Variants in P3H1 observed in about 807,000 individuals in gnomAD.
P3H1 encodes growth suppressor 1.
Under a neutral mutation model 84.0 loss-of-function variants are expected in P3H1, and 69 were observed. That is an observed-to-expected ratio of 0.82 (90% CI 0.68 to 1.00). The LOEUF is 1.00. P3H1 is among the 50% of genes least tolerant of loss of function. The probability of loss-of-function intolerance (pLI) is 0.00; values close to 1 mark genes in which losing one functional copy is unlikely to be tolerated. For missense variants in P3H1, 878 were observed against 962.8 expected (o/e 0.91, Z 1.17); for synonymous variants, 366 against 388.8 (o/e 0.94, Z 0.69).
chr1:42,766,014 C>G (rs115951209), intron 1 of P3H1, among the ~76,000 whole-genome samples: 2 of 87,762 alleles, frequency 2.3e-5, no homozygotes, highest in Non-Finnish European at 4.9e-5. Flanking sequence ...GGGTCCCCCC[C>G]CCGCCCCCAC....
chr1:42,764,760 G>GC, intron 1 of P3H1, among the ~76,000 whole-genome samples: 2 of 152,224 alleles, frequency 1.3e-5, no homozygotes, highest in East Asian at 3.9e-4. Context: ...CCCTGGTTAG[G>GC]TGACCCAAGG....
Position 42,752,618 on chromosome 1 carries a change from T to C in P3H1, c.1392A>G (p.Lys464=). The change falls in exon 9 of 15, where the codon AAA becomes AAG. Residue 464 remains lysine (K), a synonymous_variant. Coordinates refer to ENST00000296388, the MANE Select transcript of P3H1 (RefSeq NM_022356.4). ...CCACCCGCTGGGAACCATTCAGGAG[T>C]TTGGAGTTCATGGTGAGACTGATGC... ...YEGISLTMNS[K]LLNGSQRVVM... 6.2e-7 allele frequency: 1 copy of C among 1,614,056 alleles called. No individual in the cohort carries two copies. The highest frequency in any genetic ancestry group is 8.5e-7 in the Non-Finnish European group (1 of 1,180,004).
rs200403014 is a variant in P3H1 at position 42,758,962 on chromosome 1, T to C, written c.830A>G (p.Asn277Ser). 20 of 1,614,208 alleles carry C rather than the reference T, an allele frequency of 1.2e-5. No individual in the cohort carries two copies. Among genetic ancestry groups the C allele is most frequent in the Admixed American group, 1.7e-5 (1 of 60,030 alleles). ...AITDHYIQVL[N>S]CKQNCVTELA... is the part of the protein sequence containing the mutation. ...CTCCGTGACACAGTTCTGCTTACAG[T>C]TGAGGACCTGGATGTAATGATCTGA... Residue 277 changes from asparagine (N) to serine (S), a missense_variant, in exon 4 of 15, where the codon AAC becomes AGC. Physicochemically the swap from Asn to Ser is conservative, Grantham distance 46. Transcript: ENST00000296388.
chr1:42,749,938 C>T (rs937763665), intron 11 of P3H1: 31 of 530,700 alleles, frequency 5.8e-5, no homozygotes, highest in Middle Eastern at 5.0e-4. Flanking sequence ...TGACAAGTGA[C>T]GGGTGGCCCC....
rs1651933025 is a variant in P3H1 at position 42,749,858 on chromosome 1, G to A, written c.1720+328C>T. 11 of 362,672 alleles carry A rather than the reference G, an allele frequency of 3.0e-5. No homozygotes were observed. The South Asian group carries it at 3.1e-4, about 10-fold the overall frequency. 22.5% of individuals were successfully genotyped at this position (362,672 alleles called of 1,614,324 possible). A position where few individuals can be genotyped will look rare whatever the true frequency, so the allele number is the denominator to read the frequency against. ...GCGAGGGAGCTGCTCAGCTATGTAT[G>A]AAACCCTAACCCGGAGGCAGGTCCT... is the stretch of plus-strand genomic sequence containing the variant. On this transcript the variant is annotated intron_variant, in intron 11 of 14. Transcript: ENST00000296388.
chr1:42,756,520 G>A (rs1203996348), intron 5 of P3H1: 1 of 154,392 alleles, frequency 6.5e-6, no homozygotes, highest in Non-Finnish European at 1.5e-5. Flanking sequence ...AATAAAACAT[G>A]AGGCAGTTCA....
In P3H1 at chr1:42,746,671, C is replaced by T. The variant is rs145658376; in HGVS notation, c.*26G>A. The stretch of plus-strand genomic sequence containing the variant: ...AAGAGTTCCTCTCCATGGGTCTAGT[C>T]ACCCATCCGTCTGACCTGGACGCTG... On this transcript the variant is annotated 3_prime_UTR_variant, in exon 15 of 15. Transcript: ENST00000296388. The T allele has an allele frequency of 1.1e-4, 165 of 1,522,270 alleles. No homozygotes were observed. The African/African-American group carries it at 2.0e-3, about 19-fold the overall frequency. 94.3% of individuals were successfully genotyped at this position (1,522,270 alleles called of 1,614,324 possible).
chr1:42,755,516 C>T lies in P3H1; in HGVS notation c.1170+32G>A, dbSNP rs3738502. Reference sequence around the variant, plus strand: ...TCATCTCTCCTGCTCACTCTTTCCCCGCTCCCTTCCGGCTCCTGTACCCTA... The same window carrying T: ...TCATCTCTCCTGCTCACTCTTTCCCTGCTCCCTTCCGGCTCCTGTACCCTA... On this transcript the variant is annotated intron_variant, in intron 6 of 14. Transcript: ENST00000296388. 116,077 of 1,554,534 alleles carry T rather than the reference C, an allele frequency of 0.075. 4,782 individuals carry two copies. Among genetic ancestry groups the T allele is most frequent in the South Asian group, 0.084 (7,576 of 89,876 alleles).
Position 42,754,869 on chromosome 1 carries a change from C to T in P3H1, c.1345G>A (p.Gly449Ser). 4.3e-6 allele frequency: 7 copies of T among 1,614,210 alleles called. No individual in the cohort carries two copies. Among genetic ancestry groups the T allele is most frequent in the Non-Finnish European group, 5.9e-6 (7 of 1,180,028 alleles). ...CATGCCCCTATTTCTGTCCTCTCAC[C>T]TTCCCGGGTCAGTCTGCTCACATCC... ...SLDVSRLTRE[G>S]GPLLYEGISL... The change falls in exon 8 of 15, where the codon GGT (glycine) becomes AGT (serine). Residue 449 changes from glycine (G) to serine (S), a missense_variant and splice_region_variant. Physicochemically the swap from Gly to Ser is moderately conservative, Grantham distance 56. Transcript: ENST00000296388. The surrounding 1 kb of genome is among the most constrained non-coding windows in gnomAD (Gnocchi z 4.0).
At position 42,762,370 on chromosome 1, in the gene P3H1, C is replaced by G. The variant is rs1310463297; in HGVS notation, c.571G>C (p.Gly191Arg). The G allele has an allele frequency of 1.2e-6, 2 of 1,614,004 alleles. No individual in the cohort carries two copies. Among genetic ancestry groups the G allele is most frequent in the African/African-American group, 2.7e-5 (2 of 74,908 alleles). The change falls in exon 2 of 15, where the codon GGA (glycine) becomes CGA (arginine). Residue 191 changes from glycine (G) to arginine (R), a missense_variant. By Grantham distance (125) the Gly-to-Arg change is moderately radical. Coordinates refer to ENST00000296388, the MANE Select transcript of P3H1 (RefSeq NM_022356.4). ...TCCTTGAAGTCGGCCTCCTTCACTC[C>G]AGACATGGTTTGGTAATAGTCTAGG... is the stretch of plus-strand genomic sequence containing the variant. Reference protein sequence around the residue: ...QNLDYYQTMSGVKEADFKDLE... With the variant: ...QNLDYYQTMSRVKEADFKDLE...
At position 42,754,998 on chromosome 1, in the gene P3H1, C is replaced by T. The variant is rs749297067; in HGVS notation, c.1224-8G>A. 1.1e-5 allele frequency: 18 copies of T among 1,614,044 alleles called. No homozygotes were observed. Among genetic ancestry groups the T allele is most frequent in the Non-Finnish European group, 1.5e-5 (18 of 1,180,042 alleles). Reference sequence around the variant, plus strand: ...GCTGTTTCCCGTTCTGACCTATGAGCACAGCCGCTCTGAGGACTGCATTCC... The same window carrying T: ...GCTGTTTCCCGTTCTGACCTATGAGTACAGCCGCTCTGAGGACTGCATTCC... On this transcript the variant is annotated splice_region_variant and splice_polypyrimidine_tract_variant and intron_variant, in intron 7 of 14. Transcript: ENST00000296388. This position sits in a 1 kb window ranked among gnomAD's most constrained non-coding sequence, Gnocchi z 4.0.
chr1:42,764,951 G>A (rs1652913883), intron 1 of P3H1, among the ~76,000 whole-genome samples: 1 of 152,018 alleles, frequency 6.6e-6, no homozygotes, highest in African/African-American at 2.4e-5. Flanking sequence ...TACTCTCTAA[G>A]CACTGAGGTA....
In P3H1 at chr1:42,755,644, G is replaced by T. The variant is rs201868125; in HGVS notation, c.1081-7C>A. ...GTCGGTACTCCTTGGCACTCTGAGG[G>T]TAAAAAAGCAAACAAATCCCCCAGA... is the stretch of plus-strand genomic sequence containing the variant. On this transcript the variant is annotated splice_region_variant and splice_polypyrimidine_tract_variant and intron_variant, in intron 5 of 14. Coordinates refer to ENST00000296388, the MANE Select transcript of P3H1 (RefSeq NM_022356.4). The T allele has an allele frequency of 5.6e-6, 9 of 1,610,638 alleles. No homozygotes were observed. The African/African-American group carries it at 1.1e-4, about 19-fold the overall frequency.
At position 42,755,651 on chromosome 1, in the gene P3H1, A is replaced by G. The variant is rs1343062442; in HGVS notation, c.1081-14T>C. 1.2e-6 allele frequency: 2 copies of G among 1,604,052 alleles called. No individual in the cohort carries two copies. Among genetic ancestry groups the G allele is most frequent in the African/African-American group, 2.7e-5 (2 of 74,716 alleles). On this transcript the variant is annotated splice_polypyrimidine_tract_variant and intron_variant, in intron 5 of 14. Coordinates refer to ENST00000296388, the MANE Select transcript of P3H1 (RefSeq NM_022356.4). ...CTCCTTGGCACTCTGAGGGTAAAAA[A>G]GCAAACAAATCCCCCAGAACTCAGC...
In P3H1 at chr1:42,754,456, G is replaced by T. The variant is rs71654257; in HGVS notation, c.1345+413C>A. 0.057 allele frequency among the ~76,000 whole-genome samples: 8,675 copies of T among 152,218 alleles called. 365 individuals are homozygous for T. The highest frequency in any genetic ancestry group is 0.087 in the South Asian group (421 of 4,820). On this transcript the variant is annotated intron_variant, in intron 8 of 14. Coordinates refer to ENST00000296388, the MANE Select transcript of P3H1 (RefSeq NM_022356.4). This position sits in a 1 kb window ranked among gnomAD's most constrained non-coding sequence, Gnocchi z 4.0. ...CAGTTTGGGAGTGGGGAGACAGGAT[G>T]AGTTAATACCTATGGAAGTGGACAA...
In P3H1 at chr1:42,757,849, G is replaced by A. The variant is rs1652489003; in HGVS notation, c.1014C>T (p.Asn338=). ...LLFFPNDEVM[N]QNLAYYAAML... The stretch of plus-strand genomic sequence containing the variant: ...TAGCTGCATAATAGGCCAAATTTTG[G>A]TTCATCACCTCGTCATTGGGGAAGA... The change falls in exon 5 of 15, where the codon AAC becomes AAT. Residue 338 remains asparagine, a synonymous_variant. Transcript: ENST00000296388. 3 of 1,614,220 alleles carry A rather than the reference G, an allele frequency of 1.9e-6. No individual in the cohort carries two copies. Among genetic ancestry groups the A allele is most frequent in the South Asian group, 1.1e-5 (1 of 91,078 alleles).
rs1557573602 is a variant in P3H1 at position 42,759,335 on chromosome 1, A to G, written c.674T>C (p.Val225Ala). 2 of 1,614,170 alleles carry G rather than the reference A, an allele frequency of 1.2e-6. No homozygotes were observed. The highest frequency in any genetic ancestry group is 2.2e-5 in the South Asian group (2 of 91,084). ...LYSEEQPQEA[V>A]PHLEAALQEY... ...TTGCAGCGCCGCCTCTAGGTGGGGCACAGCTTCCTGTGGCTGTTCCTCTGA... is the reference window on the plus strand; with the variant it reads ...TTGCAGCGCCGCCTCTAGGTGGGGCGCAGCTTCCTGTGGCTGTTCCTCTGA... Residue 225 changes from valine to alanine, a missense_variant, in exon 3 of 15, where the codon GTG (valine) becomes GCG (alanine). Physicochemically the swap from Val to Ala is moderately conservative, Grantham distance 64. Transcript: ENST00000296388.
Position 42,755,717 on chromosome 1 carries a change from C to T in P3H1, c.1081-80G>A, listed in dbSNP as rs546161997. ...CTGGGAGTTCCCCTCCCTGGCACCC[C>T]ACACTGATGCTCCCATGTGACCTGA... is the stretch of plus-strand genomic sequence containing the variant. On this transcript the variant is annotated intron_variant, in intron 5 of 14. Coordinates refer to ENST00000296388, the MANE Select transcript of P3H1 (RefSeq NM_022356.4). The T allele has an allele frequency of 9.9e-6, 10 of 1,012,612 alleles. No homozygotes were observed. The Admixed American group carries it at 1.1e-4, about 11-fold the overall frequency. The allele number at this position is 1,012,612 out of a possible 1,614,324, so 62.7% of individuals were successfully genotyped here. A position where few individuals can be genotyped will look rare whatever the true frequency, so the allele number is the denominator to read the frequency against.
chr1:42,766,803 T>C lies in P3H1; in HGVS notation c.169A>G (p.Ser57Gly), dbSNP rs1349541382. The C allele has an allele frequency of 1.2e-6, 2 of 1,603,206 alleles. No homozygotes were observed. The highest frequency in any genetic ancestry group is 2.2e-5 in the South Asian group (2 of 90,972). Residue 57 changes from serine to glycine, a missense_variant, in exon 1 of 15, where the codon AGC becomes GGC. Transcript: ENST00000296388. ...CGGGAGCGCAGCGCCCGTTCCATGC[T>C]CAGGACCACCCCGGGCCAGTCCCCG... ...ARGDWPGVVL[S>G]MERALRSRAA...
Sources: gnomAD v4.1 joint callset for allele counts (sites outside exome capture counted in the v4.1 genomes callset) on GRCh38, gnomAD v4.1.1 for gene constraint, Gnocchi (gnomAD v3.1) non-coding constraint, MANE v1.5 for transcripts, NCBI Gene and HGNC (gene_info 2026-07-23, HGNC 2026-07-21) for gene names.